CAST: variants seen among roughly 807,000 people sequenced by gnomAD.
CAST encodes calpastatin, also known as MIR583 host.
CAST carries 76 observed loss-of-function variants against 119.6 expected under a neutral mutation model. The ratio of observed to expected loss-of-function variants is 0.64; its 90% CI spans 0.53 to 0.77. The LOEUF (loss-of-function observed/expected upper bound fraction) is 0.77. Among genes scored for constraint, CAST ranks in the 30% least tolerant of loss-of-function variants. The pLI is 0.00. For synonymous variants in CAST, 319 were observed against 331.6 expected (o/e 0.96, Z 0.41); for missense variants, 953 against 946.5 (o/e 1.01, Z -0.09).
chr5:96,757,687 G>GTTTTTTT, intron 24 of CAST, 33 bp downstream of exon 24: 4 of 1,096,798 alleles, frequency 3.6e-6, no homozygotes, highest in Admixed American at 2.4e-5. Flanking sequence ...TATTTCTTTA[G>GTTTTTTT]TTTTTTTTTT....
the CAST span, among the ~76,000 whole-genome samples, chr5:96,142,856 A>G: frequency 2.6e-3 from 390 of 152,312 alleles, 1 homozygote; most frequent in Non-Finnish European, 3.7e-3. Flanking sequence ...CAGGGCATGT[A>G]CTAATTAGCT....
chr5:95,962,044 G>A, the CAST span: 1 of 404,248 alleles, frequency 2.5e-6, no homozygotes, highest in Non-Finnish European at 4.4e-6. Context: ...GAGGTAAGAG[G>A]CTGACGTCTA....
chr5:96,183,158 TAAAA>T, the CAST span, among the ~76,000 whole-genome samples: 1 of 80,808 alleles, frequency 1.2e-5, no homozygotes, highest in South Asian at 3.9e-4. Context: ...AAAAAATAAA[TAAAA>T]TAATAATAAT....
At chr5:96,501,558 C>CA in the CAST span, among the ~76,000 whole-genome samples, 1 of 152,130 alleles carries the variant, frequency 6.6e-6, no homozygotes, top group African/African-American at 2.4e-5. Context: ...TGCAAAAATA[C>CA]AAAATGCAAA....
At chr5:96,446,351 C>T in the CAST span, among the ~76,000 whole-genome samples, 3 of 152,196 alleles carry the variant, frequency 2.0e-5, no homozygotes, top group Non-Finnish European at 2.9e-5. Context: ...CTACCATTAA[C>T]ATGGCTTTAA....
chr5:96,072,040 A>G, the CAST span, among the ~76,000 whole-genome samples: 1 of 152,228 alleles, frequency 6.6e-6, no homozygotes, highest in African/African-American at 2.4e-5. Context: ...TATTGATTAG[A>G]AAAGAAAACT....
the CAST span, among the ~76,000 whole-genome samples, chr5:95,985,218 G>A: frequency 6.6e-6 from 1 of 152,156 alleles, no homozygotes. Context: ...GGAGACGGAG[G>A]CAGGAGGATC....
chr5:96,260,773 T>C, the CAST span, among the ~76,000 whole-genome samples: 1 of 152,182 alleles, frequency 6.6e-6, no homozygotes. Context: ...TCTGAGATGA[T>C]GGGTTAGATG....
intron 8 of CAST, among the ~76,000 whole-genome samples, chr5:96,730,149 G>A (rs754380312): frequency 1.3e-5 from 2 of 152,212 alleles, no homozygotes; most frequent in Non-Finnish European, 2.9e-5. Flanking sequence ...TGTTGTAGAA[G>A]AGCTGAACTT....
the CAST span, among the ~76,000 whole-genome samples, chr5:96,401,195 G>C: frequency 2.2e-4 from 33 of 152,210 alleles, no homozygotes; most frequent in African/African-American, 7.7e-4. Context: ...ACGCATTGTG[G>C]GAGTTTAGAG....
the CAST span, among the ~76,000 whole-genome samples, chr5:96,394,065 T>C: frequency 1.3e-5 from 2 of 152,240 alleles, no homozygotes; most frequent in African/African-American, 4.8e-5. Context: ...GAATTCAAGC[T>C]GAGGCCTTCA....
At chr5:96,203,633 T>C in the CAST span, among the ~76,000 whole-genome samples, 1 of 152,004 alleles carries the variant, frequency 6.6e-6, no homozygotes, top group African/African-American at 2.4e-5. Context: ...CTGCTTACAT[T>C]AATAATAGAA....
the CAST span, among the ~76,000 whole-genome samples, chr5:96,104,979 T>C: frequency 4.9e-5 from 5 of 102,718 alleles, no homozygotes; most frequent in Non-Finnish European, 7.9e-5. Context: ...TCCTAGGTAT[T>C]TTATTCTCTT....
chr5:96,681,313 C>T (rs1308178311), intron 2 of CAST, among the ~76,000 whole-genome samples: 1 of 152,090 alleles, frequency 6.6e-6, no homozygotes, highest in Non-Finnish European at 1.5e-5. Flanking sequence ...TCTATTGCTT[C>T]GTGGTTTTCT....
chr5:96,739,524 G>A (rs1008742379), intron 11 of CAST, among the ~76,000 whole-genome samples: 3 of 152,172 alleles, frequency 2.0e-5, no homozygotes, highest in Admixed American at 2.0e-4. Context: ...GTTGTTTATG[G>A]TTACCTACAT....
chr5:96,399,299 C>T, the CAST span, among the ~76,000 whole-genome samples: 1 of 152,126 alleles, frequency 6.6e-6, no homozygotes, highest in Non-Finnish European at 1.5e-5. Flanking sequence ...CAAAAAGCCC[C>T]TCTTAAGAAA....
chr5:95,993,785 A>G, the CAST span, among the ~76,000 whole-genome samples: 2 of 152,132 alleles, frequency 1.3e-5, no homozygotes, highest in African/African-American at 2.4e-5. Flanking sequence ...AACCAATAAT[A>G]AGAAAACAAC....
chr5:96,736,928 G>A lies in CAST; in HGVS notation c.699+688G>A, dbSNP rs111619821. On this transcript the variant is annotated intron_variant, in intron 10 of 31. Transcript: ENST00000675179. ...TTGACTCACATTTCTGTGTGGCTGG[G>A]GAGGCCTCAGGAAACTTACAATCAT... Among the ~76,000 whole-genome samples the A allele has an allele frequency of 8.5e-3, 1,287 of 152,238 alleles. 22 individuals are homozygous for A. Among genetic ancestry groups the A allele is most frequent in the African/African-American group, 0.029 (1,218 of 41,556 alleles).
the CAST span, among the ~76,000 whole-genome samples, chr5:96,171,027 A>G: frequency 6.6e-6 from 1 of 152,034 alleles, no homozygotes; most frequent in African/African-American, 2.4e-5. Context: ...AGACTCCGCG[A>G]CGCTTGGGGT....
Sources: allele counts gnomAD v4.1 joint callset (sites outside exome capture counted in the v4.1 genomes callset), GRCh38; gene constraint gnomAD v4.1.1; transcripts MANE v1.5; gene names NCBI Gene and HGNC (gene_info 2026-07-23, HGNC 2026-07-21).